The following SHANK2 variants were observed in gnomAD, a reference collection of about 807,000 sequenced individuals.
The protein encoded by SHANK2 is SH3 and multiple ankyrin repeat domains protein 2.
A neutral mutation model predicts 133.7 loss-of-function variants in SHANK2; 43 were observed. That is an observed-to-expected ratio of 0.32 (90% CI 0.25 to 0.41). The LOEUF (loss-of-function observed/expected upper bound fraction) is 0.41. Ranked by LOEUF, SHANK2 falls within the 10% of genes least tolerant of loss-of-function variation. The pLI, the probability that SHANK2 is intolerant of heterozygous loss-of-function variation, is 1.00. For synonymous variants in SHANK2, 1,017 were observed against 952.8 expected (o/e 1.07, Z -1.24); for missense variants, 1,994 against 2,235.8 (o/e 0.89, Z 2.18).
intron 17 of SHANK2, among the ~76,000 whole-genome samples, chr11:70,613,785 G>A (rs2060699816): frequency 1.2e-4 from 1 of 8,620 alleles, no homozygotes; most frequent in Non-Finnish European, 3.0e-4. Flanking sequence ...TTTTCTTTGA[G>A]ATGGAGTCTC....
chr11:70,587,988 T>C (rs114489974), intron 17 of SHANK2, among the ~76,000 whole-genome samples: 73 of 152,342 alleles, frequency 4.8e-4, no homozygotes, highest in African/African-American at 1.7e-3. Context: ...ATGATATCTG[T>C]CATGGTGATC....
At chr11:71,124,110 G>T (rs1255097581) in intron 3 of SHANK2, among the ~76,000 whole-genome samples, 1 of 147,694 alleles carries the variant, frequency 6.8e-6, no homozygotes, top group East Asian at 2.0e-4. Flanking sequence ...GATCATGATG[G>T]TGATGATGGT....
intron 15 of SHANK2, chr11:70,668,006 AATCCAGCTGTTAC>A (rs1291781400): frequency 6.6e-6 from 1 of 152,184 alleles, no homozygotes; most frequent in Non-Finnish European, 1.5e-5. Context: ...TCAATAAATC[AATCCAGCTGTTAC>A]ATCCTGAATA....
chr11:70,485,348 G>T lies in SHANK2; in HGVS notation c.4945C>A (p.Pro1649Thr), dbSNP rs1555152707. The T allele has an allele frequency of 6.2e-7, 1 of 1,613,812 alleles. No individual in the cohort carries two copies. Among genetic ancestry groups the T allele is most frequent in the Admixed American group, 1.7e-5 (1 of 60,018 alleles). Reference protein sequence around the residue: ...LAKPGEGLDSPMGAKSASLAP... With the variant: ...LAKPGEGLDSTMGAKSASLAP... Reference sequence around the variant, plus strand: ...AGGCTGGCGGACTTGGCTCCCATTGGTGAATCCAGTCCTTCCCCCGGCTTT... The same window carrying T: ...AGGCTGGCGGACTTGGCTCCCATTGTTGAATCCAGTCCTTCCCCCGGCTTT... Residue 1649 changes from proline to threonine, a missense_variant, in exon 25 of 26, where the codon CCA becomes ACA. By Grantham distance (38) the Pro-to-Thr change is conservative. Coordinates refer to ENST00000601538, the MANE Select transcript of SHANK2 (RefSeq NM_012309.5). The surrounding 1 kb of genome is among the most constrained non-coding windows in gnomAD (Gnocchi z 5.8).
chr11:70,809,622 C>T (rs1435259919), intron 12 of SHANK2, among the ~76,000 whole-genome samples: 3 of 152,188 alleles, frequency 2.0e-5, no homozygotes, highest in Admixed American at 1.3e-4. Flanking sequence ...CCCATGTCAA[C>T]GTGTTTGAGG....
chr11:70,706,807 AG>A (rs1331990596), intron 14 of SHANK2, among the ~76,000 whole-genome samples: 7 of 151,862 alleles, frequency 4.6e-5, no homozygotes, highest in African/African-American at 7.3e-5. Context: ...GACTCACGAG[AG>A]GCAGTGACAG....
intron 11 of SHANK2, among the ~76,000 whole-genome samples, chr11:70,832,833 C>T (rs1948745138): frequency 6.6e-6 from 1 of 152,190 alleles, no homozygotes; most frequent in Non-Finnish European, 1.5e-5. Flanking sequence ...CTGTACTGCC[C>T]CGCCTTGCCC....
intron 14 of SHANK2, among the ~76,000 whole-genome samples, chr11:70,749,863 G>A (rs1169771903): frequency 6.6e-6 from 1 of 152,078 alleles, no homozygotes. Context: ...CCAAAGGACA[G>A]TATTACAAAA....
intron 3 of SHANK2, among the ~76,000 whole-genome samples, chr11:71,143,714 G>C (rs1447675137): frequency 1.3e-5 from 2 of 152,158 alleles, no homozygotes; most frequent in African/African-American, 4.8e-5. Flanking sequence ...TTGGCTGTGA[G>C]TTCCATGTTA....
chr11:70,639,228 C>T (rs142550559), intron 17 of SHANK2, among the ~76,000 whole-genome samples: 4 of 152,226 alleles, frequency 2.6e-5, no homozygotes, highest in African/African-American at 7.2e-5. Context: ...AAGTGGGCTC[C>T]GCAAGTGCCT....
At chr11:71,108,726 C>G (rs537283290) in intron 6 of SHANK2, among the ~76,000 whole-genome samples, 1 of 152,350 alleles carries the variant, frequency 6.6e-6, no homozygotes, top group East Asian at 1.9e-4. Flanking sequence ...TCCCCCTATC[C>G]CCGGGGGCAC....
chr11:70,777,551 CAGA>C (rs1314548622), intron 14 of SHANK2, among the ~76,000 whole-genome samples: 1 of 152,164 alleles, frequency 6.6e-6, no homozygotes, highest in Non-Finnish European at 1.5e-5. Context: ...ATCCATCCAT[CAGA>C]AGTACTTTCT....
At chr11:70,632,252 G>A (rs538811649) in intron 17 of SHANK2, among the ~76,000 whole-genome samples, 3 of 152,158 alleles carry the variant, frequency 2.0e-5, no homozygotes, top group Admixed American at 2.0e-4. Flanking sequence ...CTCCCGAGTA[G>A]CTGGGACTAC....
chr11:70,654,518 T>C (rs75896663), intron 17 of SHANK2: 1 of 152,234 alleles, frequency 6.6e-6, no homozygotes. Flanking sequence ...TCTATGACTA[T>C]ACTGGGGAAA....
chr11:70,817,369 CT>C (rs1277862501), intron 12 of SHANK2, among the ~76,000 whole-genome samples: 1 of 152,098 alleles, frequency 6.6e-6, no homozygotes, highest in Non-Finnish European at 1.5e-5. Context: ...GACAGGGAGG[CT>C]GTGAAGGGGT....
chr11:70,643,889 A>G (rs1555007252), intron 17 of SHANK2, among the ~76,000 whole-genome samples: 1 of 148,308 alleles, frequency 6.7e-6, no homozygotes. Context: ...ATGAATAAAC[A>G]GGAAGCCGAC....
intron 2 of SHANK2, among the ~76,000 whole-genome samples, chr11:71,156,275 GAACA>G (rs1272026876): frequency 3.9e-5 from 6 of 152,328 alleles, no homozygotes; most frequent in Non-Finnish European, 7.3e-5. Context: ...CAGATGCATG[GAACA>G]AACAGATTTC....
intron 6 of SHANK2, among the ~76,000 whole-genome samples, chr11:71,106,877 C>T (rs780644185): frequency 6.6e-6 from 1 of 152,170 alleles, no homozygotes; most frequent in Non-Finnish European, 1.5e-5. Flanking sequence ...GTAATCCCAA[C>T]ACTTCGGAAG....
chr11:70,569,982 C>T lies in SHANK2; in HGVS notation c.2062-67051G>A, dbSNP rs2060025192. On this transcript the variant is annotated intron_variant, in intron 17 of 25. Transcript: ENST00000601538. The surrounding 1 kb of genome is among the most constrained non-coding windows in gnomAD (Gnocchi z 5.1). ...GGAGTGAGAGACAGAGACAGGCCCC[C>T]AGCACCATTGTGGACTCCTGCCTCC... 6.6e-6 allele frequency among the ~76,000 whole-genome samples: 1 copy of T among 152,066 alleles called. No homozygotes were observed. Among genetic ancestry groups the T allele is most frequent in the East Asian group, 1.9e-4 (1 of 5,190 alleles).
Sources: gnomAD v4.1 joint callset for allele counts (sites outside exome capture counted in the v4.1 genomes callset) on GRCh38, gnomAD v4.1.1 for gene constraint, Gnocchi (gnomAD v3.1) non-coding constraint, MANE v1.5 for transcripts, NCBI Gene and HGNC (gene_info 2026-07-23, HGNC 2026-07-21) for gene names.